Variants in CDC25C observed in about 807,000 individuals in gnomAD.
The protein encoded by CDC25C is M-phase inducer phosphatase 3.
In CDC25C, 48 loss-of-function variants were observed where a neutral mutation model predicts 52.5. The ratio of observed to expected loss-of-function variants is 0.91; its 90% CI spans 0.72 to 1.16. The LOEUF is 1.16. Among genes scored for constraint, CDC25C ranks in the 50% most tolerant of loss-of-function variants. The pLI, the probability that CDC25C is intolerant of heterozygous loss-of-function variation, is 0.00. For missense variants in CDC25C, 510 were observed against 566.1 expected (o/e 0.90, Z 1.01); for synonymous variants, 187 against 206.5 (o/e 0.91, Z 0.81).
chr5:138,329,917 G>A (rs1438608736), intron 2 of CDC25C, among the ~76,000 whole-genome samples: 2 of 151,994 alleles, frequency 1.3e-5, no homozygotes, highest in Non-Finnish European at 2.9e-5. Context: ...TTGTAGTAGA[G>A]ATGGGGCTTC....
At chr5:138,330,366 A>C (rs1430286337) in intron 2 of CDC25C, among the ~76,000 whole-genome samples, 1 of 152,152 alleles carries the variant, frequency 6.6e-6, no homozygotes, top group Non-Finnish European at 1.5e-5. Context: ...CAGAATTCAA[A>C]GTACAACTGC....
chr5:138,328,716 A>T lies in CDC25C; in HGVS notation c.290-187T>A. The stretch of plus-strand genomic sequence containing the variant: ...CAATTTCACAGAAACGTAAGAATTT[A>T]TATGTGTCACTAAAAGAAATCAAGT... On this transcript the variant is annotated intron_variant, in intron 3 of 13. Coordinates refer to ENST00000323760, the MANE Select transcript of CDC25C (RefSeq NM_001790.5). 3 of 539,240 alleles carry T rather than the reference A, an allele frequency of 5.6e-6. No homozygotes were observed. The South Asian group carries it at 7.6e-5, about 14-fold the overall frequency. The allele number at this position is 539,240 out of a possible 1,614,324, so 33.4% of individuals were successfully genotyped here. A position where few individuals can be genotyped will look rare whatever the true frequency, so the allele number is the denominator to read the frequency against.
chr5:138,295,971 A>T (rs1757143794), intron 7 of CDC25C, among the ~76,000 whole-genome samples: 1 of 152,110 alleles, frequency 6.6e-6, no homozygotes. Flanking sequence ...TAATTAAATA[A>T]TTATTATTTT....
chr5:138,294,489 C>T (rs1757019470), intron 7 of CDC25C, among the ~76,000 whole-genome samples: 1 of 147,994 alleles, frequency 6.8e-6, no homozygotes, highest in Non-Finnish European at 1.5e-5. Context: ...CGTGCCCAAC[C>T]ACTCAGCTAA....
rs1759797428 is a variant in CDC25C, at chr5:138,325,736, T to C, written c.459+79A>G. On this transcript the variant is annotated intron_variant, in intron 6 of 13. Coordinates refer to ENST00000323760, the MANE Select transcript of CDC25C (RefSeq NM_001790.5). ...CTAGCATACGAGGTATAAACAGTTC[T>C]ATGTCTCATTATGATACCAAGTTTC... The C allele has an allele frequency of 6.4e-6, 6 of 944,490 alleles. No homozygotes were observed. The East Asian group carries it at 7.3e-5, about 11-fold the overall frequency. 58.5% of individuals were successfully genotyped at this position (944,490 alleles called of 1,614,324 possible).
At chr5:138,319,855 G>A (rs1759208236) in intron 6 of CDC25C, among the ~76,000 whole-genome samples, 1 of 152,206 alleles carries the variant, frequency 6.6e-6, no homozygotes, top group Non-Finnish European at 1.5e-5. Context: ...CATTAGGATA[G>A]CCATTATAAG....
At chr5:138,335,084 C>A (rs973778904), upstream of CDC25C, 1 of 152,228 alleles carries the variant, frequency 6.6e-6, no homozygotes, top group Non-Finnish European at 1.5e-5. Flanking sequence ...CATGTTGTTG[C>A]CAGGGCACAG....
intron 7 of CDC25C, among the ~76,000 whole-genome samples, chr5:138,307,121 G>A (rs1029651991): frequency 3.3e-5 from 5 of 152,026 alleles, no homozygotes. Flanking sequence ...TGGGATTACA[G>A]GCATGAGCCA....
chr5:138,331,223 G>A lies in CDC25C; in HGVS notation c.-38-5C>T, dbSNP rs759136676. The stretch of plus-strand genomic sequence containing the variant: ...CAGGAGAAAAACAAAACCTAGCTAG[G>A]AGGAAAACGTCATCTAAATCGGTAC... On this transcript the variant is annotated splice_polypyrimidine_tract_variant and splice_region_variant and intron_variant, in intron 1 of 13. Transcript: ENST00000323760. 2.5e-6 allele frequency: 4 copies of A among 1,575,958 alleles called. No homozygotes were observed. The highest frequency in any genetic ancestry group is 3.5e-6 in the Non-Finnish European group (4 of 1,146,850).
chr5:138,328,008 A>G (rs1378842420), intron 4 of CDC25C, among the ~76,000 whole-genome samples: 2 of 152,200 alleles, frequency 1.3e-5, no homozygotes, highest in Non-Finnish European at 2.9e-5. Context: ...CTGCGATTAC[A>G]GGCATGTGCC....
intron 7 of CDC25C, among the ~76,000 whole-genome samples, chr5:138,298,749 AAAAAT>A (rs1757402532): frequency 1.3e-5 from 2 of 151,678 alleles, no homozygotes; most frequent in East Asian, 1.9e-4. Flanking sequence ...ACTCCATCTC[AAAAAT>A]AAAATAAAAT....
intron 6 of CDC25C, among the ~76,000 whole-genome samples, chr5:138,323,959 A>C (rs996078855): frequency 9.5e-5 from 14 of 146,992 alleles, no homozygotes; most frequent in Non-Finnish European, 2.0e-4. Context: ...TTCCATCTCA[A>C]AAAAAAAAAA....
At chr5:138,291,127 T>C (rs1030749323) in intron 8 of CDC25C, among the ~76,000 whole-genome samples, 57 of 152,048 alleles carry the variant, frequency 3.7e-4, no homozygotes, top group African/African-American at 1.4e-3. Context: ...TTTAATTTTT[T>C]ATTTTATTTT....
intron 7 of CDC25C, among the ~76,000 whole-genome samples, chr5:138,309,716 T>A (rs1305234834): frequency 1.8e-3 from 1 of 568 alleles, no homozygotes; most frequent in Non-Finnish European, 6.8e-3. Flanking sequence ...GCTCTCAAAA[T>A]TTTTTTTTTT....
chr5:138,296,723 G>C (rs1276903214), intron 7 of CDC25C, among the ~76,000 whole-genome samples: 1 of 140,004 alleles, frequency 7.1e-6, no homozygotes, highest in African/African-American at 2.7e-5. Flanking sequence ...CTCCTGCCTC[G>C]GCCCCCAGAG....
intron 3 of CDC25C, 122 bp from the exon 4 acceptor site, chr5:138,328,651 C>T: frequency 3.8e-6 from 3 of 781,056 alleles, no homozygotes; most frequent in Non-Finnish European, 6.7e-6. Flanking sequence ...CTTTTGAATA[C>T]AAAGCCTCTC....
intron 11 of CDC25C, 149 bp downstream of exon 11, chr5:138,287,020 T>G (rs1561664097): frequency 1.2e-5 from 7 of 580,510 alleles, no homozygotes; most frequent in Non-Finnish European, 2.1e-5. Flanking sequence ...TATACAGAAT[T>G]AAAACAATGA....
chr5:138,290,327 T>C lies in CDC25C; in HGVS notation c.864+312A>G, dbSNP rs192689178. Among the ~76,000 whole-genome samples, 32 of 152,324 alleles carry C rather than the reference T, an allele frequency of 2.1e-4. No homozygotes were observed. The East Asian group carries it at 5.2e-3, about 25-fold the overall frequency. ...GCAATATTACCCTGGTTAATAAAGT[T>C]TGGGATAAATTTCTTCATTTTCTAC... On this transcript the variant is annotated intron_variant, in intron 9 of 13. Transcript: ENST00000323760.
chr5:138,301,638 A>G (rs974407236), intron 7 of CDC25C, among the ~76,000 whole-genome samples: 1 of 151,484 alleles, frequency 6.6e-6, no homozygotes, highest in African/African-American at 2.4e-5. Flanking sequence ...AAACATTAAC[A>G]TGAAAAGCTA....
Sources: gnomAD v4.1 joint callset for allele counts (sites outside exome capture counted in the v4.1 genomes callset) on GRCh38, gnomAD v4.1.1 for gene constraint, MANE v1.5 for transcripts, NCBI Gene and HGNC (gene_info 2026-07-23, HGNC 2026-07-21) for gene names.